RAMP1: variants seen among roughly 807,000 people sequenced by gnomAD.
RAMP1 encodes the protein receptor activity modifying protein 1.
A neutral mutation model predicts 8.2 loss-of-function variants in RAMP1; 7 were observed. That is an observed-to-expected ratio of 0.85 (90% CI 0.49 to 1.60). RAMP1 has a LOEUF of 1.60. Ranked by LOEUF, RAMP1 falls within the 40% of genes most tolerant of loss-of-function variation. The pLI is 0.00. For synonymous variants in RAMP1, 92 were observed against 84.7 expected, an observed-to-expected ratio of 1.09 and a Z score of -0.47; for missense variants, 192 against 202.4, an observed-to-expected ratio of 0.95 and a Z score of 0.31.
In RAMP1 at chr2:237,878,836, C is replaced by A. The variant is rs1452759566; in HGVS notation, c.191+1474C>A. On this transcript the variant is annotated intron_variant, in intron 2 of 2. Coordinates refer to ENST00000254661, the MANE Select transcript of RAMP1 (RefSeq NM_005855.4). The surrounding 1 kb of genome is among the most constrained non-coding windows in gnomAD (Gnocchi z 5.7). Reference sequence around the variant, plus strand: ...TAAAACAACAGAAACTCCGTACCCTCTGCTCCAGTTCAGGTGGGAGAGTTG... The same window carrying A: ...TAAAACAACAGAAACTCCGTACCCTATGCTCCAGTTCAGGTGGGAGAGTTG... Among the ~76,000 whole-genome samples, 1 of 152,262 alleles carries A rather than the reference C, an allele frequency of 6.6e-6. No individual in the cohort carries two copies. Among genetic ancestry groups the A allele is most frequent in the Non-Finnish European group, 1.5e-5 (1 of 68,038 alleles).
chr2:237,868,921 C>T (rs988202022), intron 1 of RAMP1, among the ~76,000 whole-genome samples: 1 of 152,204 alleles, frequency 6.6e-6, no homozygotes, highest in Non-Finnish European at 1.5e-5. Flanking sequence ...GCGGGAACCA[C>T]AACCATGACT....
intron 2 of RAMP1, among the ~76,000 whole-genome samples, chr2:237,908,233 C>T (rs1174614775): frequency 6.6e-6 from 1 of 152,194 alleles, no homozygotes; most frequent in African/African-American, 2.4e-5. Flanking sequence ...GCTTGTTATT[C>T]TACCAAGGTT....
intron 1 of RAMP1, among the ~76,000 whole-genome samples, chr2:237,873,920 G>A (rs1180424091): frequency 6.6e-6 from 1 of 152,242 alleles, no homozygotes; most frequent in East Asian, 1.9e-4. Flanking sequence ...CATCCCAGCT[G>A]TGGGACTCTG....
chr2:237,884,622 G>A (rs530937011), intron 2 of RAMP1, among the ~76,000 whole-genome samples: 1 of 152,296 alleles, frequency 6.6e-6, no homozygotes, highest in East Asian at 1.9e-4. Flanking sequence ...TCTTGGGCAG[G>A]GGAAAGGTGT....
At chr2:237,900,555 ATT>A (rs920762896) in intron 2 of RAMP1, among the ~76,000 whole-genome samples, 2 of 151,992 alleles carry the variant, frequency 1.3e-5, no homozygotes, top group African/African-American at 4.8e-5. Context: ...TTGGATACTT[ATT>A]TTGTTTATTT....
rs115458526 is a variant in RAMP1, at chr2:237,878,018, G to A, written c.191+656G>A. On this transcript the variant is annotated intron_variant, in intron 2 of 2. Coordinates refer to ENST00000254661, the MANE Select transcript of RAMP1 (RefSeq NM_005855.4). This position sits in a 1 kb window ranked among gnomAD's most constrained non-coding sequence, Gnocchi z 5.7. ...GCCCAGGCTCCTCTGCCTCCAGAGC[G>A]GCGATCAGAACTCGGCATGTCCGCA... 2,182 of 985,448 alleles carry A rather than the reference G, an allele frequency of 2.2e-3. 39 individuals carry two copies. In the African/African-American group the frequency reaches 0.034, roughly 15 times the overall value. 61.0% of individuals were successfully genotyped at this position (985,448 alleles called of 1,614,324 possible).
chr2:237,859,849 A>C, intron 1 of RAMP1, 122 bp downstream of exon 1: 1 of 960,778 alleles, frequency 1.0e-6, no homozygotes, highest in Non-Finnish European at 1.4e-6. Flanking sequence ...CCGCGGGCGC[A>C]CAGATCCGCT....
intron 2 of RAMP1, among the ~76,000 whole-genome samples, chr2:237,899,582 A>G (rs1393079208): frequency 6.6e-6 from 1 of 152,250 alleles, no homozygotes; most frequent in African/African-American, 2.4e-5. Flanking sequence ...TCCTTTAAAT[A>G]AAATATGCTA....
chr2:237,873,634 A>G (rs973148635), intron 1 of RAMP1, among the ~76,000 whole-genome samples: 1 of 152,226 alleles, frequency 6.6e-6, no homozygotes, highest in Non-Finnish European at 1.5e-5. Flanking sequence ...TGAGGAGCGC[A>G]GCCGTCTACC....
At chr2:237,861,677 G>C (rs1559932775) in intron 1 of RAMP1, among the ~76,000 whole-genome samples, 2 of 151,810 alleles carry the variant, frequency 1.3e-5, no homozygotes, top group Admixed American at 6.6e-5. Flanking sequence ...GTGAAACCCC[G>C]TCTCTACTAA....
intron 2 of RAMP1, among the ~76,000 whole-genome samples, chr2:237,879,466 T>C (rs1034458565): frequency 2.0e-4 from 30 of 151,248 alleles, no homozygotes; most frequent in African/African-American, 7.1e-4. Flanking sequence ...GAGGGGGAGT[T>C]GCTGGGAATT....
chr2:237,886,947 C>A (rs1361323874), intron 2 of RAMP1, among the ~76,000 whole-genome samples: 1 of 152,220 alleles, frequency 6.6e-6, no homozygotes, highest in Non-Finnish European at 1.5e-5. Context: ...GGACACTCGA[C>A]TACAGCAGCC....
rs1251919602 is a variant in RAMP1 at position 237,865,548 on chromosome 2, G to C, written c.52+5821G>C. Among the ~76,000 whole-genome samples the C allele has an allele frequency of 6.6e-6, 1 of 152,208 alleles. No homozygotes were observed. The highest frequency in any genetic ancestry group is 2.1e-4 in the South Asian group (1 of 4,836). On this transcript the variant is annotated intron_variant, in intron 1 of 2. Coordinates refer to ENST00000254661, the MANE Select transcript of RAMP1 (RefSeq NM_005855.4). This position sits in a 1 kb window ranked among gnomAD's most constrained non-coding sequence, Gnocchi z 4.2. Reference sequence around the variant, plus strand: ...TTCGCAGGGCCTCCTGTCATTTGCTGCACCTGGCAGCCCCGTCCTCAGCAG... The same window carrying C: ...TTCGCAGGGCCTCCTGTCATTTGCTCCACCTGGCAGCCCCGTCCTCAGCAG...
intron 1 of RAMP1, among the ~76,000 whole-genome samples, chr2:237,866,222 G>C (rs116325681): frequency 6.4e-4 from 98 of 152,006 alleles, no homozygotes; most frequent in African/African-American, 2.2e-3. Flanking sequence ...CTAGGAATCC[G>C]GTGCTCTGTG....
intron 1 of RAMP1, among the ~76,000 whole-genome samples, chr2:237,873,281 G>A (rs773067523): frequency 6.6e-6 from 1 of 152,352 alleles, no homozygotes; most frequent in East Asian, 1.9e-4. Flanking sequence ...GGCCTTTCCT[G>A]CCCCATGTGG....
chr2:237,906,010 CAAAAAAAAA>C (rs377067863), intron 2 of RAMP1, among the ~76,000 whole-genome samples: 1 of 95,784 alleles, frequency 1.0e-5, no homozygotes, highest in Non-Finnish European at 2.1e-5. Flanking sequence ...GACTCTGTCT[CAAAAAAAAA>C]AAAAAAAAAA....
intron 1 of RAMP1, among the ~76,000 whole-genome samples, chr2:237,871,746 G>A (rs1186289805): frequency 6.6e-6 from 1 of 152,204 alleles, no homozygotes; most frequent in African/African-American, 2.4e-5. Flanking sequence ...ACTGCGCTAT[G>A]TGTTCTAAAA....
chr2:237,908,510 T>C (rs1248941431), intron 2 of RAMP1, among the ~76,000 whole-genome samples: 2 of 152,090 alleles, frequency 1.3e-5, no homozygotes, highest in African/African-American at 4.8e-5. Context: ...TGATCTCGGC[T>C]CACTGCAACC....
At chr2:237,876,632 C>A (rs1010382956) in intron 1 of RAMP1, among the ~76,000 whole-genome samples, 5 of 151,344 alleles carry the variant, frequency 3.3e-5, no homozygotes, top group Admixed American at 2.0e-4. Flanking sequence ...GACCAAGGGC[C>A]ATGCTCTCCC....
Sources: gnomAD v4.1 joint callset for allele counts (sites outside exome capture counted in the v4.1 genomes callset) on GRCh38, gnomAD v4.1.1 for gene constraint, Gnocchi (gnomAD v3.1) non-coding constraint, MANE v1.5 for transcripts, NCBI Gene and HGNC (gene_info 2026-07-23, HGNC 2026-07-21) for gene names.